Variants in SETD2 observed in about 807,000 individuals in gnomAD.
The protein encoded by SETD2 is SET domain containing 2, histone lysine methyltransferase, also known as histone-lysine N-methyltransferase SETD2.
SETD2 carries 31 observed loss-of-function variants against 242.1 expected under a neutral mutation model. The observed-to-expected ratio is 0.13, with a 90% CI of 0.10 to 0.17. The LOEUF (loss-of-function observed/expected upper bound fraction) is 0.17. SETD2 is among the 10% of genes least tolerant of loss of function. The probability of loss-of-function intolerance (pLI) is 1.00; values close to 1 mark genes in which losing one functional copy is unlikely to be tolerated. For missense variants in SETD2, 2,481 were observed against 3,046.3 expected (o/e 0.81, Z 4.37); for synonymous variants, 1,006 against 1,066.5 (o/e 0.94, Z 1.11).
At chr3:47,090,654 T>G (rs1270059303) in intron 9 of SETD2, among the ~76,000 whole-genome samples, 2 of 152,166 alleles carry the variant, frequency 1.3e-5, no homozygotes, top group Non-Finnish European at 2.9e-5. Context: ...CCTCCCAAAG[T>G]GCTAGGATTA....
intron 18 of SETD2, among the ~76,000 whole-genome samples, chr3:47,030,164 A>G (rs2038698621): frequency 6.6e-6 from 1 of 152,188 alleles, no homozygotes; most frequent in African/African-American, 2.4e-5. Context: ...AAAATAAAAT[A>G]AAATAAAATA....
At chr3:47,081,174 C>A in intron 12 of SETD2, 1 of 699,284 alleles carries the variant, frequency 1.4e-6, no homozygotes, top group Non-Finnish European at 1.8e-6. Flanking sequence ...CCTTCCCTCC[C>A]ACCCTCTTTC....
At chr3:47,035,855 G>A (rs1159901821) in intron 18 of SETD2, among the ~76,000 whole-genome samples, 1 of 152,146 alleles carries the variant, frequency 6.6e-6, no homozygotes, top group Non-Finnish European at 1.5e-5. Flanking sequence ...TTGTATTTAA[G>A]CTTACATATA....
In SETD2 at chr3:47,122,390, G is replaced by C; in HGVS notation, c.2246C>G (p.Thr749Arg). The part of the protein sequence containing the change: ...HKKSESPFRE[T>R]EPLVSPHQDK... ...TTGGTGTGGTGACACCAGAGGTTCT[G>C]TTTCTCTAAATGGGCTTTCTGACTT... Residue 749 changes from threonine to arginine, a missense_variant, in exon 3 of 21, where the codon ACA becomes AGA. By Grantham distance (71) the Thr-to-Arg change is moderately conservative. Transcript: ENST00000409792. 6.2e-7 allele frequency: 1 copy of C among 1,614,096 alleles called. No individual in the cohort carries two copies. The highest frequency in any genetic ancestry group is 8.5e-7 in the Non-Finnish European group (1 of 1,179,986).
At chr3:47,154,717 G>A (rs2044085747) in intron 1 of SETD2, among the ~76,000 whole-genome samples, 1 of 152,102 alleles carries the variant, frequency 6.6e-6, no homozygotes, top group Non-Finnish European at 1.5e-5. Flanking sequence ...ACATTGGCCG[G>A]GCGCGGTGGC....
intron 12 of SETD2, among the ~76,000 whole-genome samples, chr3:47,068,424 G>A (rs1388396222): frequency 6.6e-6 from 1 of 150,714 alleles, no homozygotes; most frequent in Non-Finnish European, 1.5e-5. Context: ...AATTAATAAA[G>A]ATGATTATAA....
At chr3:47,158,277 T>C (rs2044171103) in intron 1 of SETD2, among the ~76,000 whole-genome samples, 1 of 152,202 alleles carries the variant, frequency 6.6e-6, no homozygotes, top group Non-Finnish European at 1.5e-5. Flanking sequence ...ATGATAAACA[T>C]ATTTCAAGAT....
chr3:47,049,307 ATATATATATATATAT>A (rs2039685961), intron 15 of SETD2, among the ~76,000 whole-genome samples: 1 of 2,416 alleles, frequency 4.1e-4, no homozygotes, highest in Non-Finnish European at 1.1e-3. Context: ...TTTTCTAAAT[ATATATATATATATAT>A]ATATATATAT....
Position 47,120,320 on chromosome 3 carries a change from G to C in SETD2, c.4316C>G (p.Pro1439Arg), listed in dbSNP as rs2107740269. The change falls in exon 3 of 21, where the codon CCC becomes CGC. Residue 1439 changes from proline (P) to arginine (R), a missense_variant. Physicochemically the swap from Pro to Arg is moderately radical, Grantham distance 103. This residue lies in a region of SETD2 where 1,300 missense variants were observed against 1,259.2 expected (regional missense o/e 1.03). Coordinates refer to ENST00000409792, the MANE Select transcript of SETD2 (RefSeq NM_014159.7). The part of the protein sequence containing the change: ...VEVEQGETSV[P>R]PGSALVGPSC... ...GGGCCCAACCAGTGCTGAACCTGGG[G>C]GCACTGATGTCTCTCCCTGCTCTAC... is the stretch of plus-strand genomic sequence containing the variant. The C allele has an allele frequency of 6.2e-7, 1 of 1,613,870 alleles. No individual in the cohort carries two copies. The highest frequency in any genetic ancestry group is 1.3e-5 in the African/African-American group (1 of 74,994).
intron 14 of SETD2, among the ~76,000 whole-genome samples, chr3:47,061,768 G>A (rs2040341882): frequency 6.6e-6 from 1 of 152,146 alleles, no homozygotes; most frequent in Non-Finnish European, 1.5e-5. Context: ...CTTCTGACTA[G>A]ATTTATTAAA....
At position 47,120,499 on chromosome 3, in the gene SETD2, G is replaced by A. The variant is rs769080716; in HGVS notation, c.4137C>T (p.Asp1379=). 3 of 1,613,794 alleles carry A rather than the reference G, an allele frequency of 1.9e-6. No individual in the cohort carries two copies. Among genetic ancestry groups the A allele is most frequent in the South Asian group, 2.2e-5 (2 of 91,056 alleles). ...APEISSNSIK[D]TLAVNEKKDF... is the part of the protein sequence containing the mutation. ...CTTTCTTTTCATTCACAGCTAAAGT[G>A]TCCTTAATGGAATTGCTGCTTATTT... Residue 1379 remains aspartate, a synonymous_variant, in exon 3 of 21, where the codon GAC becomes GAT. Coordinates refer to ENST00000409792, the MANE Select transcript of SETD2 (RefSeq NM_014159.7).
intron 1 of SETD2, among the ~76,000 whole-genome samples, chr3:47,154,396 G>A (rs978372903): frequency 4.0e-5 from 6 of 151,860 alleles, no homozygotes; most frequent in East Asian, 1.9e-4. Flanking sequence ...GCAAGAGAGC[G>A]AGACTCCATA....
intron 12 of SETD2, among the ~76,000 whole-genome samples, chr3:47,068,174 T>C (rs773485193): frequency 6.6e-6 from 1 of 152,198 alleles, no homozygotes; most frequent in Non-Finnish European, 1.5e-5. Flanking sequence ...GTACATAAGG[T>C]GATATCATCC....
At chr3:47,056,094 T>TTTATTTATTTA (rs2040063473) in intron 15 of SETD2, among the ~76,000 whole-genome samples, 47 of 116,420 alleles carry the variant, frequency 4.0e-4, no homozygotes, top group African/African-American at 1.5e-3. Context: ...AAAACATGAT[T>TTTATTTATTTA]TTTATTTATT....
In SETD2 at chr3:47,037,377, C is replaced by T. The variant is rs1321559447; in HGVS notation, c.7350+289G>A. Among the ~76,000 whole-genome samples the T allele has an allele frequency of 2.1e-5, 3 of 144,538 alleles. No homozygotes were observed. The East Asian group carries it at 6.3e-4, about 30-fold the overall frequency. 94.8% of individuals were successfully genotyped at this position (144,538 alleles called of 152,430 possible). On this transcript the variant is annotated intron_variant, in intron 18 of 20. Coordinates refer to ENST00000409792, the MANE Select transcript of SETD2 (RefSeq NM_014159.7). ...ATTCCCACCTATGAGTGAGAACGTG[C>T]GGTGTTTGGTTTTTTGTCCTTGCGA...
In SETD2 at chr3:47,158,053, T is replaced by TTCTG. The variant is rs1234447209; in HGVS notation, c.71+5797_71+5800dup. Among the ~76,000 whole-genome samples the TTCTG allele has an allele frequency of 2.9e-4, 44 of 152,226 alleles. No individual in the cohort carries two copies. In the East Asian group the frequency reaches 7.3e-3, roughly 25 times the overall value. On this transcript the variant is annotated intron_variant, in intron 1 of 20. Coordinates refer to ENST00000409792, the MANE Select transcript of SETD2 (RefSeq NM_014159.7). ...AAGAGATGAGATTCTAAACCAGGAGTTCTGTCTCCAGAGCCCAGGGATTTA... is the reference window on the plus strand; with the variant it reads ...AAGAGATGAGATTCTAAACCAGGAGTTCTGTCTGTCTCCAGAGCCCAGGGATTTA...
intron 9 of SETD2, among the ~76,000 whole-genome samples, chr3:47,096,733 C>G (rs145382810): frequency 5.3e-5 from 8 of 151,486 alleles, no homozygotes; most frequent in Non-Finnish European, 8.8e-5. Context: ...TGGAACAGTG[C>G]GAGACGTTGT....
At position 47,080,411 on chromosome 3, in the gene SETD2, A is replaced by G. The variant is rs73831474; in HGVS notation, c.6060+3309T>C. On this transcript the variant is annotated intron_variant, in intron 12 of 20. Coordinates refer to ENST00000409792, the MANE Select transcript of SETD2 (RefSeq NM_014159.7). Reference sequence around the variant, plus strand: ...AGAGGCTCTGGAATCACTAACCATTACAATCTCTCGGTGTTTAATGGCAAA... The same window carrying G: ...AGAGGCTCTGGAATCACTAACCATTGCAATCTCTCGGTGTTTAATGGCAAA... Among the ~76,000 whole-genome samples the G allele has an allele frequency of 1.9e-3, 285 of 152,270 alleles. 2 individuals are homozygous for G. The highest frequency in any genetic ancestry group is 6.6e-3 in the African/African-American group (273 of 41,556).
chr3:47,073,652 T>C (rs2040924351), intron 12 of SETD2, among the ~76,000 whole-genome samples: 1 of 152,176 alleles, frequency 6.6e-6, no homozygotes, highest in Admixed American at 6.6e-5. Flanking sequence ...AAATGAAAGG[T>C]AACAAGATCT....
Sources: gnomAD v4.1 joint callset for allele counts (sites outside exome capture counted in the v4.1 genomes callset) on GRCh38, gnomAD v4.1.1 for gene constraint, gnomAD v4.1.1 regional missense constraint, MANE v1.5 for transcripts, NCBI Gene and HGNC (gene_info 2026-07-23, HGNC 2026-07-21) for gene names.